Variants in MAST4 observed in about 807,000 individuals in gnomAD.
The protein encoded by MAST4 is microtubule-associated serine/threonine-protein kinase 4.
Under a neutral mutation model 162.7 loss-of-function variants are expected in MAST4, and 89 were observed. The ratio of observed to expected loss-of-function variants is 0.55; its 90% CI spans 0.46 to 0.65. The LOEUF is 0.65. MAST4 is among the 30% of genes least tolerant of loss of function. MAST4 has a pLI of 0.00. For synonymous variants in MAST4, 1,479 were observed against 1,361.1 expected (o/e 1.09, Z -1.91); for missense variants, 3,153 against 3,374.0 (o/e 0.93, Z 1.62).
chr5:67,151,080 T>G (rs1460174143), intron 24 of MAST4, among the ~76,000 whole-genome samples: 2 of 152,232 alleles, frequency 1.3e-5, no homozygotes, highest in Non-Finnish European at 2.9e-5. Flanking sequence ...TGTAGATTAT[T>G]CTGCCTTTTC....
chr5:66,641,968 A>G (rs1477265102), intron 1 of MAST4, among the ~76,000 whole-genome samples: 1 of 152,208 alleles, frequency 6.6e-6, no homozygotes, highest in Non-Finnish European at 1.5e-5. Context: ...TTTTCTCTTT[A>G]TAGAAGTATT....
At chr5:67,037,845 A>C (rs1369094045) in intron 4 of MAST4, among the ~76,000 whole-genome samples, 1 of 151,368 alleles carries the variant, frequency 6.6e-6, no homozygotes, top group African/African-American at 2.4e-5. Flanking sequence ...CTTTCTAACT[A>C]TGATGCTAGA....
chr5:66,801,805 G>A (rs112101969), intron 3 of MAST4, among the ~76,000 whole-genome samples: 2,701 of 152,304 alleles, frequency 0.018, 45 homozygotes, highest in Non-Finnish European at 0.025. Flanking sequence ...TAATTAGAAT[G>A]TAACATACCA....
At chr5:67,022,112 T>G (rs1754062966) in intron 4 of MAST4, among the ~76,000 whole-genome samples, 1 of 152,230 alleles carries the variant, frequency 6.6e-6, no homozygotes, top group African/African-American at 2.4e-5. Context: ...AGACATAGAC[T>G]TTATGCCAGC....
chr5:67,053,316 A>G (rs982892310), intron 4 of MAST4, among the ~76,000 whole-genome samples: 2 of 152,226 alleles, frequency 1.3e-5, no homozygotes, highest in Non-Finnish European at 1.5e-5. Context: ...TAGAAATGTT[A>G]TCTCACTGTA....
chr5:67,141,098 A>T (rs1162767110), intron 19 of MAST4, among the ~76,000 whole-genome samples: 5 of 152,198 alleles, frequency 3.3e-5, no homozygotes, highest in Admixed American at 3.3e-4. Context: ...CAAGATTCAC[A>T]GCCCATTTTG....
At chr5:66,704,888 T>G (rs1431691856) in intron 1 of MAST4, among the ~76,000 whole-genome samples, 1 of 152,216 alleles carries the variant, frequency 6.6e-6, no homozygotes, top group Admixed American at 6.5e-5. Context: ...ATCTTGAGCT[T>G]GCTTCTCGGA....
chr5:67,109,611 A>G (rs997489055), intron 10 of MAST4, among the ~76,000 whole-genome samples: 21 of 152,304 alleles, frequency 1.4e-4, no homozygotes, highest in South Asian at 6.2e-4. Flanking sequence ...ACGTGTGATA[A>G]TATAACTAAT....
At chr5:66,786,641 T>C (rs979291515) in intron 2 of MAST4, among the ~76,000 whole-genome samples, 1 of 152,226 alleles carries the variant, frequency 6.6e-6, no homozygotes, top group African/African-American at 2.4e-5. Flanking sequence ...TTTCCTGCTC[T>C]TCCTCATTAA....
At chr5:66,925,552 T>G (rs1641554401) in intron 4 of MAST4, among the ~76,000 whole-genome samples, 1 of 152,216 alleles carries the variant, frequency 6.6e-6, no homozygotes, top group Non-Finnish European at 1.5e-5. Context: ...AAACCAGGAC[T>G]GTAGCCATTC....
At chr5:66,826,729 A>G (rs1462577329) in intron 3 of MAST4, among the ~76,000 whole-genome samples, 1 of 152,176 alleles carries the variant, frequency 6.6e-6, no homozygotes, top group African/African-American at 2.4e-5. Flanking sequence ...GTATATGAGT[A>G]CACCATGCTT....
intron 23 of MAST4, among the ~76,000 whole-genome samples, chr5:67,148,721 G>A (rs1002552249): frequency 6.6e-6 from 1 of 152,176 alleles, no homozygotes; most frequent in Non-Finnish European, 1.5e-5. Context: ...GAGTAATGGA[G>A]GGAGTAATAT....
intron 1 of MAST4, among the ~76,000 whole-genome samples, chr5:66,707,268 A>G (rs1750195845): frequency 1.3e-5 from 2 of 152,030 alleles, no homozygotes; most frequent in African/African-American, 4.8e-5. Context: ...CTCACCACTC[A>G]TTTGTTTCAA....
chr5:67,129,317 C>A (rs1056464738), intron 14 of MAST4, among the ~76,000 whole-genome samples: 1 of 152,146 alleles, frequency 6.6e-6, no homozygotes, highest in Admixed American at 6.5e-5. Flanking sequence ...ACACATACTT[C>A]TCATTTATCT....
In MAST4 at chr5:67,114,164, C is replaced by T. The variant is rs201013539; in HGVS notation, c.1536C>T (p.Thr512=). 32 of 1,611,968 alleles carry T rather than the reference C, an allele frequency of 2.0e-5. No individual in the cohort carries two copies. The highest frequency in any genetic ancestry group is 1.7e-4 in the Middle Eastern group (1 of 6,056). The change falls in exon 12 of 29, where the codon ACC becomes ACT. Residue 512 remains threonine (T), a synonymous_variant. Coordinates refer to ENST00000403625, the MANE Select transcript of MAST4 (RefSeq NM_001164664.2). ...GHAKEGQGIK[T]DIPRYIISQL... is the part of the protein sequence containing the mutation. ...CCAAAGAAGGACAGGGTATTAAAAC[C>T]GACATTCCCAGGTACATCATTAGCC...
intron 3 of MAST4, among the ~76,000 whole-genome samples, chr5:66,848,812 G>T (rs1168082773): frequency 2.6e-5 from 4 of 152,060 alleles, no homozygotes; most frequent in African/African-American, 9.7e-5. Flanking sequence ...CAATTCCATA[G>T]ACCCTCTTGC....
chr5:67,151,360 G>A (rs186494483), intron 24 of MAST4, among the ~76,000 whole-genome samples: 137 of 152,286 alleles, frequency 9.0e-4, no homozygotes, highest in Non-Finnish European at 1.6e-3. Context: ...TGGCAGAAGG[G>A]AAGAACAAGC....
chr5:66,633,502 A>G (rs1270873097), intron 1 of MAST4, among the ~76,000 whole-genome samples: 1 of 152,164 alleles, frequency 6.6e-6, no homozygotes, highest in Non-Finnish European at 1.5e-5. Flanking sequence ...TTTTTTAATT[A>G]AAAATATTTT....
At chr5:66,797,068 T>C (rs575119589) in intron 3 of MAST4, among the ~76,000 whole-genome samples, 14 of 152,374 alleles carry the variant, frequency 9.2e-5, no homozygotes, top group African/African-American at 2.9e-4. Flanking sequence ...GCCACTGTTA[T>C]GGAAATGCCC....
Sources: gnomAD v4.1 joint callset for allele counts (sites outside exome capture counted in the v4.1 genomes callset) on GRCh38, gnomAD v4.1.1 for gene constraint, MANE v1.5 for transcripts, NCBI Gene and HGNC (gene_info 2026-07-23, HGNC 2026-07-21) for gene names.